The following STARD13 variants were observed in gnomAD, a reference collection of about 807,000 sequenced individuals.
The protein encoded by STARD13 is StAR related lipid transfer domain containing 13.
Under a neutral mutation model 106.4 loss-of-function variants are expected in STARD13, and 62 were observed. The ratio of observed to expected loss-of-function variants is 0.58; its 90% CI spans 0.48 to 0.72. STARD13 has a LOEUF of 0.72. STARD13 is among the 30% of genes least tolerant of loss of function. The pLI, the probability that STARD13 is intolerant of heterozygous loss-of-function variation, is 0.00. For synonymous variants in STARD13, 565 were observed against 553.0 expected (o/e 1.02, Z -0.31); for missense variants, 1,387 against 1,424.0 (o/e 0.97, Z 0.42).
At chr13:33,109,757 T>C (rs1874254804) in intron 12 of STARD13, 116 bp downstream of exon 12, 1 of 910,260 alleles carries the variant, frequency 1.1e-6, no homozygotes, top group South Asian at 1.5e-5. Flanking sequence ...AAGAGCCGGC[T>C]TAGTGTTCCC....
the STARD13 span, among the ~76,000 whole-genome samples, chr13:33,668,754 G>T: frequency 2.0e-5 from 3 of 152,182 alleles, no homozygotes; most frequent in African/African-American, 7.2e-5. Context: ...TTGTTACAGG[G>T]ATGGTTGGCT....
At chr13:33,491,108 T>C in the STARD13 span, among the ~76,000 whole-genome samples, 1 of 152,196 alleles carries the variant, frequency 6.6e-6, no homozygotes, top group Non-Finnish European at 1.5e-5. Context: ...CAGTGGTAGA[T>C]GGGCAGGCTG....
chr13:33,167,512 T>G (rs745676533), intron 2 of STARD13, 39 bp downstream of exon 2: 11 of 1,605,732 alleles, frequency 6.9e-6, no homozygotes, highest in Non-Finnish European at 8.5e-6. Flanking sequence ...CATTTTGGAT[T>G]TATTCTCTGT....
the STARD13 span, among the ~76,000 whole-genome samples, chr13:33,509,300 C>T: frequency 6.6e-6 from 1 of 152,122 alleles, no homozygotes; most frequent in Non-Finnish European, 1.5e-5. Context: ...TCTGCCTGCT[C>T]CAGGCACTCC....
At chr13:33,647,434 G>A in the STARD13 span, among the ~76,000 whole-genome samples, 1 of 152,166 alleles carries the variant, frequency 6.6e-6, no homozygotes, top group African/African-American at 2.4e-5. Flanking sequence ...CTGGATGACT[G>A]TCTAGTAGTT....
the STARD13 span, among the ~76,000 whole-genome samples, chr13:33,637,733 A>G: frequency 1.3e-5 from 2 of 152,226 alleles, no homozygotes; most frequent in South Asian, 2.1e-4. Flanking sequence ...AGACTGAAAA[A>G]TAGTTTCTAA....
At chr13:33,287,592 G>A (rs144160445), upstream of STARD13, among the ~76,000 whole-genome samples, 6 of 135,010 alleles carry the variant, frequency 4.4e-5, no homozygotes, top group Non-Finnish European at 8.1e-5. Flanking sequence ...GGAACTGCTC[G>A]GCAGAAGCTC....
chr13:33,573,259 G>GA, the STARD13 span, among the ~76,000 whole-genome samples: 1 of 152,018 alleles, frequency 6.6e-6, no homozygotes, highest in African/African-American at 2.4e-5. Context: ...TATCTATATA[G>GA]AAAAAAGTGT....
intron 4 of STARD13, among the ~76,000 whole-genome samples, chr13:33,135,564 T>C (rs1002885959): frequency 6.6e-6 from 1 of 152,202 alleles, no homozygotes; most frequent in African/African-American, 2.4e-5. Flanking sequence ...AAGAATTGGC[T>C]AGAGATGAAG....
the STARD13 span, among the ~76,000 whole-genome samples, chr13:33,603,765 A>G: frequency 6.6e-6 from 1 of 152,324 alleles, no homozygotes; most frequent in Admixed American, 6.5e-5. Context: ...GGATTCCCAT[A>G]GTTAAAATCT....
At chr13:33,484,608 T>C in the STARD13 span, among the ~76,000 whole-genome samples, 2 of 152,096 alleles carry the variant, frequency 1.3e-5, no homozygotes, top group African/African-American at 4.8e-5. Context: ...CCTAACTACC[T>C]TTAAAAAACC....
At chr13:33,219,677 T>C (rs1888241507) in intron 1 of STARD13, among the ~76,000 whole-genome samples, 1 of 151,238 alleles carries the variant, frequency 6.6e-6, no homozygotes, top group South Asian at 2.1e-4. Flanking sequence ...CGGTGGTGCA[T>C]GCCTGTAGTC....
chr13:33,605,310 C>T, the STARD13 span, among the ~76,000 whole-genome samples: 3 of 151,326 alleles, frequency 2.0e-5, no homozygotes, highest in Admixed American at 6.6e-5. Flanking sequence ...CTCAAACTCC[C>T]GGGCTCAAGT....
chr13:33,260,913 C>T (rs1890609247), intron 1 of STARD13, among the ~76,000 whole-genome samples: 1 of 152,140 alleles, frequency 6.6e-6, no homozygotes, highest in Admixed American at 6.5e-5. Context: ...CTCTGAACTC[C>T]TAAGCCACGT....
At chr13:33,642,489 T>G in the STARD13 span, among the ~76,000 whole-genome samples, 1 of 152,216 alleles carries the variant, frequency 6.6e-6, no homozygotes, top group Non-Finnish European at 1.5e-5. Flanking sequence ...AGGCACTTCC[T>G]GTGCTTCAGG....
At chr13:33,150,583 T>C (rs1881143324) in intron 3 of STARD13, among the ~76,000 whole-genome samples, 1 of 152,224 alleles carries the variant, frequency 6.6e-6, no homozygotes, top group Non-Finnish European at 1.5e-5. Flanking sequence ...CAGCACAGGC[T>C]ATTCAATAAA....
At chr13:33,341,455 G>A (rs1448993120) in intron 1 of STARD13, among the ~76,000 whole-genome samples, 1 of 151,978 alleles carries the variant, frequency 6.6e-6, no homozygotes, top group African/African-American at 2.4e-5. Flanking sequence ...TCGCTAACAT[G>A]GTGAAATCCT....
chr13:33,482,973 G>T, the STARD13 span, among the ~76,000 whole-genome samples: 1 of 152,176 alleles, frequency 6.6e-6, no homozygotes, highest in Admixed American at 6.5e-5. Flanking sequence ...CTGACTAAAG[G>T]ATTTGCATTG....
chr13:33,476,017 G>GT, the STARD13 span, among the ~76,000 whole-genome samples: 1 of 152,020 alleles, frequency 6.6e-6, no homozygotes, highest in Non-Finnish European at 1.5e-5. Flanking sequence ...TTTAAATGGT[G>GT]TTTTTTCTAA....
Sources: allele counts gnomAD v4.1 joint callset (sites outside exome capture counted in the v4.1 genomes callset), GRCh38; gene constraint gnomAD v4.1.1; transcripts MANE v1.5; gene names NCBI Gene and HGNC (gene_info 2026-07-23, HGNC 2026-07-21).